Variants in SMAD6 observed in about 807,000 individuals in gnomAD.
The protein encoded by SMAD6 is MAD homolog 6.
A neutral mutation model predicts 39.4 loss-of-function variants in SMAD6; 103 were observed. The ratio of observed to expected loss-of-function variants is 2.62; its 90% CI spans 2.23 to 3.08. The LOEUF (loss-of-function observed/expected upper bound fraction) is 3.08. Ranked by LOEUF, SMAD6 falls within the 30% of genes most tolerant of loss-of-function variation. The pLI is 0.00. For missense variants in SMAD6, 1,104 were observed against 742.9 expected (o/e 1.49, Z -5.65); for synonymous variants, 445 against 353.3 (o/e 1.26, Z -2.91).
At chr15:66,715,793 A>G (rs1567096200) in intron 2 of SMAD6, among the ~76,000 whole-genome samples, 1 of 152,144 alleles carries the variant, frequency 6.6e-6, no homozygotes, top group Non-Finnish European at 1.5e-5. Flanking sequence ...AACGCCTTAA[A>G]AAAAAACAGT....
intron 3 of SMAD6, among the ~76,000 whole-genome samples, chr15:66,736,574 C>T (rs147287708): frequency 6.0e-4 from 92 of 152,250 alleles, no homozygotes; most frequent in Non-Finnish European, 9.3e-4. Flanking sequence ...TAGGATCATT[C>T]GGACAGCTTT....
rs1894550630 is a variant in SMAD6 at position 66,781,016 on chromosome 15, C to T, written c.972C>T (p.Asp324=). The T allele has an allele frequency of 3.8e-6, 6 of 1,579,814 alleles. No individual in the cohort carries two copies. The highest frequency in any genetic ancestry group is 3.4e-5 in the South Asian group (3 of 88,282). ...GEFSDASMSP[D]ATKPSHWCSV... is the part of the protein sequence containing the mutation. ...CCGCAGACGCCAGCATGTCTCCGGACGCCACCAAGCCGAGCCACTGGTGCA... is the reference window on the plus strand; with the variant it reads ...CCGCAGACGCCAGCATGTCTCCGGATGCCACCAAGCCGAGCCACTGGTGCA... Residue 324 remains aspartate (D), a synonymous_variant, in exon 4 of 4, where the codon GAC becomes GAT. Coordinates refer to ENST00000288840, the MANE Select transcript of SMAD6 (RefSeq NM_005585.5).
intron 3 of SMAD6, among the ~76,000 whole-genome samples, chr15:66,773,513 T>TC (rs1567113687): frequency 6.6e-6 from 1 of 152,160 alleles, no homozygotes; most frequent in East Asian, 1.9e-4. Context: ...AACTCCTTTT[T>TC]CCCTCTAAGT....
chr15:66,708,736 A>T (rs1264686850), intron 1 of SMAD6: 2 of 471,614 alleles, frequency 4.2e-6, no homozygotes, highest in Non-Finnish European at 8.8e-6. Flanking sequence ...ATAGAGACAC[A>T]AAGTAAGTTA....
chr15:66,726,597 G>A (rs918677991), intron 3 of SMAD6, among the ~76,000 whole-genome samples: 2 of 152,154 alleles, frequency 1.3e-5, no homozygotes, highest in Non-Finnish European at 2.9e-5. Flanking sequence ...TCCCTCACAG[G>A]GCGAAGGCCA....
chr15:66,774,121 C>T, intron 3 of SMAD6, among the ~76,000 whole-genome samples: 1 of 152,168 alleles, frequency 6.6e-6, no homozygotes, highest in Non-Finnish European at 1.5e-5. Context: ...ACGCTGGTTC[C>T]TTCAGGGGTG....
intron 3 of SMAD6, among the ~76,000 whole-genome samples, chr15:66,720,659 A>G (rs1015672031): frequency 9.2e-5 from 14 of 152,186 alleles, no homozygotes; most frequent in African/African-American, 3.4e-4. Flanking sequence ...TAAAATGAGG[A>G]TGATAATAAC....
intron 3 of SMAD6, among the ~76,000 whole-genome samples, chr15:66,727,867 T>G (rs1893550562): frequency 6.6e-6 from 1 of 152,134 alleles, no homozygotes; most frequent in Non-Finnish European, 1.5e-5. Context: ...TTTTTTTTTT[T>G]TAGAGATAGA....
Position 66,703,976 on chromosome 15 carries a change from G to T in SMAD6, c.718G>T (p.Glu240Ter), listed in dbSNP as rs1292647249. ...CTGGCCCGACCTGCAGCACGCCGTG[G>T]AGCTGAAGCCCCTGTGCGGCTGCCA... ...FRWPDLQHAV[E>*]LKPLCGCHSF... The change falls in exon 1 of 4, where the codon GAG becomes TAG. Residue 240 changes from glutamate to a stop codon, truncating the protein, a stop_gained. Coordinates refer to ENST00000288840, the MANE Select transcript of SMAD6 (RefSeq NM_005585.5). LOFTEE classifies it high-confidence loss of function. 1.4e-6 allele frequency: 2 copies of T among 1,463,342 alleles called. No individual in the cohort carries two copies. Among genetic ancestry groups the T allele is most frequent in the Admixed American group, 2.4e-5 (1 of 41,736 alleles). The allele number at this position is 1,463,342 out of a possible 1,614,324, so 90.6% of individuals were successfully genotyped here. A position where few individuals can be genotyped will look rare whatever the true frequency, so the allele number is the denominator to read the frequency against.
Position 66,704,089 on chromosome 15 carries a change from G to T in SMAD6, c.817+14G>T. 1 of 1,449,742 alleles carries T rather than the reference G, an allele frequency of 6.9e-7. No individual in the cohort carries two copies. The highest frequency in any genetic ancestry group is 9.0e-7 in the Non-Finnish European group (1 of 1,107,606). The allele number at this position is 1,449,742 out of a possible 1,614,324, so 89.8% of individuals were successfully genotyped here. A position where few individuals can be genotyped will look rare whatever the true frequency, so the allele number is the denominator to read the frequency against. On this transcript the variant is annotated intron_variant, in intron 1 of 3. Coordinates refer to ENST00000288840, the MANE Select transcript of SMAD6 (RefSeq NM_005585.5). ...TCTGCGGGCCCGGTGAGCGCGCTGC[G>T]CCGGCCGGGGGGGCCCCGGGTCCCC...
At chr15:66,725,277 G>A (rs1055136485) in intron 3 of SMAD6, among the ~76,000 whole-genome samples, 13 of 151,992 alleles carry the variant, frequency 8.6e-5, no homozygotes, top group Middle Eastern at 3.2e-3. Flanking sequence ...TTCATGGCCC[G>A]TTTCCCCATG....
At chr15:66,765,624 A>G (rs1462188290) in intron 3 of SMAD6, among the ~76,000 whole-genome samples, 1 of 152,102 alleles carries the variant, frequency 6.6e-6, no homozygotes, top group Non-Finnish European at 1.5e-5. Context: ...CCCTTCCTAC[A>G]CAAACACACA....
rs755555508 is a variant in SMAD6, at chr15:66,747,244, G to T, written c.952+30746G>T. 7.9e-5 allele frequency among the ~76,000 whole-genome samples: 12 copies of T among 152,272 alleles called. No homozygotes were observed. Among genetic ancestry groups the T allele is most frequent in the Non-Finnish European group, 1.6e-4 (11 of 68,044 alleles). On this transcript the variant is annotated intron_variant, in intron 3 of 3. Coordinates refer to ENST00000288840, the MANE Select transcript of SMAD6 (RefSeq NM_005585.5). This position sits in a 1 kb window ranked among gnomAD's most constrained non-coding sequence, Gnocchi z 4.5. ...GTGGTTTGCTGTGTTTGCATGGCCA[G>T]GCCAGCGGGATATGGATGGGCCATG...
chr15:66,707,521 G>A (rs1292228769), intron 1 of SMAD6: 2 of 152,322 alleles, frequency 1.3e-5, no homozygotes, highest in Admixed American at 1.3e-4. Flanking sequence ...CCCCCGCCCT[G>A]CCCGGCTCAG....
At chr15:66,778,377 A>G (rs1894502880) in intron 3 of SMAD6, among the ~76,000 whole-genome samples, 2 of 152,162 alleles carry the variant, frequency 1.3e-5, no homozygotes, top group South Asian at 4.1e-4. Context: ...GAAGCTGGGA[A>G]AGAGAAAGTC....
intron 3 of SMAD6, among the ~76,000 whole-genome samples, chr15:66,723,147 G>T (rs893904): frequency 0.2 from 30,718 of 152,046 alleles, 3,385 homozygotes; most frequent in African/African-American, 0.3. Context: ...CAAAACTGTG[G>T]CATGGAACAA....
rs186216024 is a variant in SMAD6, at chr15:66,781,965, C to T, written c.*430C>T. On this transcript the variant is annotated 3_prime_UTR_variant, in exon 4 of 4. Coordinates refer to ENST00000288840, the MANE Select transcript of SMAD6 (RefSeq NM_005585.5). ...AGACAAAAAGCTAATACCAGTCACT[C>T]GATAATAAAGTATTCGCATTATAGT... 109 of 398,630 alleles carry T rather than the reference C, an allele frequency of 2.7e-4. No homozygotes were observed. Among genetic ancestry groups the T allele is most frequent in the African/African-American group, 2.1e-3 (102 of 48,606 alleles). 24.7% of individuals were successfully genotyped at this position (398,630 alleles called of 1,614,324 possible). A position where few individuals can be genotyped will look rare whatever the true frequency, so the allele number is the denominator to read the frequency against.
Position 66,780,981 on chromosome 15 carries a change from T to G in SMAD6, c.953-16T>G, listed in dbSNP as rs1894549236. Reference sequence around the variant, plus strand: ...CCACCCAGAATAACGCGGCGGTCCCTGTGCTTGTCCCGCAGACGCCAGCAT... The same window carrying G: ...CCACCCAGAATAACGCGGCGGTCCCGGTGCTTGTCCCGCAGACGCCAGCAT... On this transcript the variant is annotated splice_polypyrimidine_tract_variant and intron_variant, in intron 3 of 3. Coordinates refer to ENST00000288840, the MANE Select transcript of SMAD6 (RefSeq NM_005585.5). 1 of 1,545,842 alleles carries G rather than the reference T, an allele frequency of 6.5e-7. No individual in the cohort carries two copies. The highest frequency in any genetic ancestry group is 1.8e-5 in the Admixed American group (1 of 54,482).
chr15:66,768,842 T>C (rs1459788135), intron 3 of SMAD6, among the ~76,000 whole-genome samples: 1 of 152,238 alleles, frequency 6.6e-6, no homozygotes. Context: ...AGAGCACCTC[T>C]GTTAGGCGAC....
Sources: gnomAD v4.1 joint callset for allele counts (sites outside exome capture counted in the v4.1 genomes callset) on GRCh38, gnomAD v4.1.1 for gene constraint, Gnocchi (gnomAD v3.1) non-coding constraint, MANE v1.5 for transcripts, NCBI Gene and HGNC (gene_info 2026-07-23, HGNC 2026-07-21) for gene names.